TASP1: variants seen among roughly 807,000 people sequenced by gnomAD.
The protein encoded by TASP1 is taspase 1.
In TASP1, 16 loss-of-function variants were observed where a neutral mutation model predicts 56.6. The ratio of observed to expected loss-of-function variants is 0.28; its 90% CI spans 0.19 to 0.43. TASP1 has a LOEUF of 0.43. Among genes scored for constraint, TASP1 ranks in the 20% least tolerant of loss-of-function variants. The pLI is 1.00. For synonymous variants in TASP1, 179 were observed against 184.2 expected, an observed-to-expected ratio of 0.97 and a Z score of 0.23; for missense variants, 393 against 511.6, an observed-to-expected ratio of 0.77 and a Z score of 2.24.
chr20:13,221,568 GCGGCGGCGC>G, the TASP1 span, among the ~76,000 whole-genome samples: 1 of 145,192 alleles, frequency 6.9e-6, no homozygotes, highest in Non-Finnish European at 1.5e-5. Flanking sequence ...GGCGGCGGCG[GCGGCGGCGC>G]CGGCAGCTCC....
chr20:13,135,641 G>A, the TASP1 span, among the ~76,000 whole-genome samples: 1 of 152,154 alleles, frequency 6.6e-6, no homozygotes, highest in African/African-American at 2.4e-5. Flanking sequence ...AGATCTAAAC[G>A]TTTAAATATT....
At chr20:13,380,783 A>C in the TASP1 span, among the ~76,000 whole-genome samples, 1 of 152,100 alleles carries the variant, frequency 6.6e-6, no homozygotes, top group Non-Finnish European at 1.5e-5. Context: ...CCCAGAGAGG[A>C]GGAATCTAGA....
At chr20:13,151,866 G>T in the TASP1 span, among the ~76,000 whole-genome samples, 1 of 152,058 alleles carries the variant, frequency 6.6e-6, no homozygotes, top group Non-Finnish European at 1.5e-5. Flanking sequence ...TCTACCTAAA[G>T]TGAAGGGGGC....
At chr20:13,349,670 C>T in the TASP1 span, among the ~76,000 whole-genome samples, 2 of 152,200 alleles carry the variant, frequency 1.3e-5, no homozygotes, top group Non-Finnish European at 2.9e-5. Flanking sequence ...AAAGAAGTCT[C>T]TATCCATTCA....
chr20:13,442,820 T>G (rs2043269587), intron 11 of TASP1, among the ~76,000 whole-genome samples: 1 of 152,048 alleles, frequency 6.6e-6, no homozygotes, highest in Non-Finnish European at 1.5e-5. Context: ...CATTTCAAGA[T>G]TCCATATTTT....
At chr20:13,631,723 T>C (rs1231594671) in intron 1 of TASP1, among the ~76,000 whole-genome samples, 2 of 152,244 alleles carry the variant, frequency 1.3e-5, no homozygotes, top group Non-Finnish European at 2.9e-5. Flanking sequence ...TGAATCACTG[T>C]CATCTGAGAT....
chr20:13,110,197 C>T, the TASP1 span: 182 of 1,613,418 alleles, frequency 1.1e-4, 1 homozygote, highest in Non-Finnish European at 1.5e-4. Flanking sequence ...AGATTCTCAT[C>T]CTGGTGGAGG....
At chr20:13,612,490 A>AC in intron 4 of TASP1, among the ~76,000 whole-genome samples, 1 of 127,332 alleles carries the variant, frequency 7.9e-6, no homozygotes, top group African/African-American at 3.5e-5. Context: ...AATTTGTAGC[A>AC]AACACACACA....
chr20:13,512,782 A>T (rs1601070895), intron 10 of TASP1, among the ~76,000 whole-genome samples: 1 of 152,036 alleles, frequency 6.6e-6, no homozygotes, highest in Non-Finnish European at 1.5e-5. Context: ...TTTTGTATAA[A>T]GTGTAAGGAA....
chr20:13,636,302 T>A (rs1384801128), intron 1 of TASP1, among the ~76,000 whole-genome samples: 1 of 150,970 alleles, frequency 6.6e-6, no homozygotes, highest in East Asian at 1.9e-4. Context: ...CAGGCCACCA[T>A]GCCGGGCTAA....
intron 10 of TASP1, among the ~76,000 whole-genome samples, chr20:13,490,505 T>C (rs190456527): frequency 6.6e-6 from 1 of 152,320 alleles, no homozygotes; most frequent in Admixed American, 6.5e-5. Context: ...AACAATGCCA[T>C]TATTTCTCTA....
chr20:13,565,042 AGGCCATTACAC>A (rs2046475659), intron 7 of TASP1, among the ~76,000 whole-genome samples: 1 of 152,016 alleles, frequency 6.6e-6, no homozygotes, highest in South Asian at 2.1e-4. Context: ...AATGGCATAA[AGGCCATTACAC>A]AGAAAAATGC....
chr20:13,580,075 G>A (rs1041517559), intron 6 of TASP1, among the ~76,000 whole-genome samples: 17 of 152,282 alleles, frequency 1.1e-4, no homozygotes, highest in Admixed American at 7.2e-4. Context: ...CTAACAGTAC[G>A]GTGGCTATGT....
chr20:13,144,932 G>A, the TASP1 span, among the ~76,000 whole-genome samples: 2 of 151,994 alleles, frequency 1.3e-5, no homozygotes, highest in African/African-American at 4.8e-5. Context: ...CCGCCACCAC[G>A]CCCAGCTAAT....
At chr20:13,634,177 T>C (rs1326858987) in intron 1 of TASP1, among the ~76,000 whole-genome samples, 1 of 152,188 alleles carries the variant, frequency 6.6e-6, no homozygotes, top group Non-Finnish European at 1.5e-5. Context: ...AAATGTGGTA[T>C]AGTCACACAA....
chr20:13,526,972 A>G (rs2146845556), intron 10 of TASP1, among the ~76,000 whole-genome samples: 1 of 152,288 alleles, frequency 6.6e-6, no homozygotes, highest in South Asian at 2.1e-4. Context: ...GAAAGGACTC[A>G]CATGCACCTC....
At chr20:13,481,229 T>C (rs2043130361) in intron 11 of TASP1, among the ~76,000 whole-genome samples, 1 of 152,180 alleles carries the variant, frequency 6.6e-6, no homozygotes, top group African/African-American at 2.4e-5. Context: ...CCCAGTTCCA[T>C]CCATGTTGTT....
At chr20:13,273,586 G>T in the TASP1 span, among the ~76,000 whole-genome samples, 1 of 152,202 alleles carries the variant, frequency 6.6e-6, no homozygotes, top group African/African-American at 2.4e-5. Flanking sequence ...TAGCGTAAAG[G>T]CTGAAAGGCA....
intron 10 of TASP1, among the ~76,000 whole-genome samples, chr20:13,483,590 C>T (rs1054656905): frequency 6.6e-6 from 1 of 152,112 alleles, no homozygotes; most frequent in Non-Finnish European, 1.5e-5. Flanking sequence ...CTCTGTTTAA[C>T]TAGTATGTGT....
Sources: gnomAD v4.1 joint callset for allele counts (sites outside exome capture counted in the v4.1 genomes callset) on GRCh38, gnomAD v4.1.1 for gene constraint, MANE v1.5 for transcripts, NCBI Gene and HGNC (gene_info 2026-07-23, HGNC 2026-07-21) for gene names.